The following GNA14 variants were observed in gnomAD, a reference collection of about 807,000 sequenced individuals.
GNA14 encodes G protein subunit alpha 14, also known as guanine nucleotide-binding protein subunit alpha-14.
A neutral mutation model predicts 42.0 loss-of-function variants in GNA14; 50 were observed. The ratio of observed to expected loss-of-function variants is 1.19; its 90% CI spans 0.95 to 1.51. GNA14 has a LOEUF of 1.51. GNA14 is among the 40% of genes most tolerant of loss of function. The pLI is 0.00. For synonymous variants in GNA14, 173 were observed against 163.1 expected (o/e 1.06, Z -0.46); for missense variants, 473 against 446.2 (o/e 1.06, Z -0.54).
chr9:77,483,817 A>C (rs1321205992), intron 2 of GNA14, among the ~76,000 whole-genome samples: 1 of 152,230 alleles, frequency 6.6e-6, no homozygotes, highest in Non-Finnish European at 1.5e-5. Context: ...AACCGTAGGG[A>C]TAAAATGAAG....
intron 2 of GNA14, among the ~76,000 whole-genome samples, chr9:77,449,900 T>G (rs1464214277): frequency 6.6e-6 from 1 of 152,158 alleles, no homozygotes; most frequent in East Asian, 1.9e-4. Flanking sequence ...CTTCTAGACA[T>G]TCCCTGTGTG....
At chr9:77,633,526 AAAC>A (rs1295056582) in intron 1 of GNA14, among the ~76,000 whole-genome samples, 1 of 152,192 alleles carries the variant, frequency 6.6e-6, no homozygotes, top group Non-Finnish European at 1.5e-5. Flanking sequence ...CTAAGCAGAA[AAAC>A]AACAATCCAA....
At chr9:77,510,838 A>G (rs1837153843) in intron 2 of GNA14, among the ~76,000 whole-genome samples, 1 of 152,140 alleles carries the variant, frequency 6.6e-6, no homozygotes. Context: ...ATGCAGAGAA[A>G]GGGGAAAAGA....
At chr9:77,484,781 G>T (rs183083560) in intron 2 of GNA14, among the ~76,000 whole-genome samples, 2 of 152,190 alleles carry the variant, frequency 1.3e-5, no homozygotes, top group South Asian at 2.1e-4. Flanking sequence ...TCAATAAAAT[G>T]AGTCACACAA....
intron 2 of GNA14, among the ~76,000 whole-genome samples, chr9:77,499,735 A>G (rs1188751728): frequency 1.3e-5 from 2 of 152,080 alleles, no homozygotes; most frequent in African/African-American, 4.8e-5. Context: ...CTGTAGTCCC[A>G]GCTACTCAGG....
chr9:77,561,755 C>T (rs560662355), intron 1 of GNA14, among the ~76,000 whole-genome samples: 8 of 152,308 alleles, frequency 5.3e-5, no homozygotes, highest in African/African-American at 1.7e-4. Flanking sequence ...GAATTATACA[C>T]TTAAAAATGG....
chr9:77,565,809 C>T (rs548859167), intron 1 of GNA14, among the ~76,000 whole-genome samples: 2 of 152,266 alleles, frequency 1.3e-5, no homozygotes, highest in South Asian at 4.1e-4. Flanking sequence ...ACTGATGTGG[C>T]TAACATTGTA....
At chr9:77,535,426 C>T (rs1303807914) in intron 1 of GNA14, among the ~76,000 whole-genome samples, 1 of 152,152 alleles carries the variant, frequency 6.6e-6, no homozygotes, top group Non-Finnish European at 1.5e-5. Flanking sequence ...CGCCTGTAGT[C>T]CCAGCTACTC....
At chr9:77,526,973 T>C (rs1837449708) in intron 2 of GNA14, among the ~76,000 whole-genome samples, 1 of 152,188 alleles carries the variant, frequency 6.6e-6, no homozygotes, top group African/African-American at 2.4e-5. Context: ...CCTAGAAGCT[T>C]TGATAACTAA....
chr9:77,427,817 G>A (rs1835476218), intron 5 of GNA14, among the ~76,000 whole-genome samples: 2 of 152,206 alleles, frequency 1.3e-5, no homozygotes, highest in African/African-American at 4.8e-5. Flanking sequence ...GAAGGCAGAT[G>A]CAATCCCAGA....
At chr9:77,610,117 G>T (rs1564065946) in intron 1 of GNA14, among the ~76,000 whole-genome samples, 1 of 152,158 alleles carries the variant, frequency 6.6e-6, no homozygotes, top group East Asian at 1.9e-4. Flanking sequence ...TTACAGTTTA[G>T]TTCCACCCCT....
At chr9:77,636,293 A>G (rs1213262901) in intron 1 of GNA14, among the ~76,000 whole-genome samples, 1 of 152,218 alleles carries the variant, frequency 6.6e-6, no homozygotes, top group African/African-American at 2.4e-5. Flanking sequence ...CTGATCATCA[A>G]TACAGAAGAT....
chr9:77,479,640 C>T (rs1446999287), intron 2 of GNA14, among the ~76,000 whole-genome samples: 1 of 152,052 alleles, frequency 6.6e-6, no homozygotes, highest in African/African-American at 2.4e-5. Flanking sequence ...CGACCTTGGG[C>T]AGTATGGCCA....
At position 77,431,390 on chromosome 9, in the gene GNA14, A is replaced by G. The variant is rs773540430; in HGVS notation, c.524T>C (p.Val175Ala). The change falls in exon 4 of 7, where the codon GTG becomes GCG. Residue 175 changes from valine to alanine, a missense_variant. By Grantham distance (64) the Val-to-Ala change is moderately conservative (BLOSUM62 0). Coordinates refer to ENST00000341700, the MANE Select transcript of GNA14 (RefSeq NM_004297.4). The part of the protein sequence containing the change: ...TPSFVPTQQD[V>A]LRVRVPTTGI... ...GGTGGTGGGCACTCGGACGCGAAGC[A>G]CATCTTGTTGGGTAGGCACGAATGA... 9 of 1,613,642 alleles carry G rather than the reference A, an allele frequency of 5.6e-6. No homozygotes were observed. Among genetic ancestry groups the G allele is most frequent in the African/African-American group, 2.7e-5 (2 of 74,912 alleles).
At chr9:77,425,395 AAC>A (rs1835437509) in intron 6 of GNA14, among the ~76,000 whole-genome samples, 165 bp downstream of exon 6, 2 of 152,216 alleles carry the variant, frequency 1.3e-5, no homozygotes, top group Admixed American at 6.5e-5. Flanking sequence ...CTGTGGTGAA[AAC>A]ACAACAATGG....
intron 2 of GNA14, 102 bp downstream of exon 2, chr9:77,528,967 C>T: frequency 2.0e-6 from 2 of 977,338 alleles, no homozygotes; most frequent in Non-Finnish European, 3.2e-6. Flanking sequence ...GGAACAAGAG[C>T]TTCTTCTGGC....
intron 2 of GNA14, among the ~76,000 whole-genome samples, chr9:77,513,607 G>A (rs1056423252): frequency 5.9e-5 from 9 of 152,274 alleles, no homozygotes; most frequent in Middle Eastern, 3.4e-3. Flanking sequence ...CAATAATTCC[G>A]TGAGGAGGCA....
intron 2 of GNA14, among the ~76,000 whole-genome samples, chr9:77,495,784 T>A (rs976666355): frequency 2.0e-5 from 3 of 152,174 alleles, no homozygotes; most frequent in African/African-American, 7.2e-5. Context: ...AAGGAAAAAG[T>A]GTATACTAAG....
intron 1 of GNA14, among the ~76,000 whole-genome samples, chr9:77,564,809 G>A (rs1822940823): frequency 6.6e-6 from 1 of 151,012 alleles, no homozygotes; most frequent in Non-Finnish European, 1.5e-5. Context: ...CTCCAGCCTG[G>A]GTGACGAAGC....
Sources: gnomAD v4.1 joint callset for allele counts (sites outside exome capture counted in the v4.1 genomes callset) on GRCh38, gnomAD v4.1.1 for gene constraint, MANE v1.5 for transcripts, NCBI Gene and HGNC (gene_info 2026-07-23, HGNC 2026-07-21) for gene names.